Variants in RABGEF1 observed in about 807,000 individuals in gnomAD.
The protein encoded by RABGEF1 is RAB guanine nucleotide exchange factor 1.
Under a neutral mutation model 57.3 loss-of-function variants are expected in RABGEF1, and 26 were observed. The ratio of observed to expected loss-of-function variants is 0.45; its 90% CI spans 0.33 to 0.63. RABGEF1 has a LOEUF of 0.63. Among genes scored for constraint, RABGEF1 ranks in the 20% least tolerant of loss-of-function variants. The probability of loss-of-function intolerance (pLI) is 0.02; values close to 1 mark genes in which losing one functional copy is unlikely to be tolerated. For synonymous variants in RABGEF1, 185 were observed against 210.7 expected (o/e 0.88, Z 1.06); for missense variants, 464 against 607.6 (o/e 0.76, Z 2.48).
chr7:66,781,191 T>G (rs1382393721), intron 3 of RABGEF1, among the ~76,000 whole-genome samples: 1 of 152,186 alleles, frequency 6.6e-6, no homozygotes, highest in East Asian at 1.9e-4. Context: ...TTGTTCTGTT[T>G]TGTTTTTGTT....
At chr7:66,740,892 C>G (rs1272960840) in intron 1 of RABGEF1, 100 bp downstream of exon 1, 2 of 152,242 alleles carry the variant, frequency 1.3e-5, no homozygotes, top group South Asian at 2.1e-4. Context: ...GCGGTCGGTC[C>G]GTGCCATCCG....
chr7:66,753,966 A>G lies in RABGEF1; in HGVS notation c.-18+13174A>G, dbSNP rs184078897. On this transcript the variant is annotated intron_variant, in intron 1 of 8. Transcript: ENST00000284957. Reference sequence around the variant, plus strand: ...GTGATCCACCTGCCTCTGCCTCCCAAAGTGCTGGGATTACAGGCATGAGCC... The same window carrying G: ...GTGATCCACCTGCCTCTGCCTCCCAGAGTGCTGGGATTACAGGCATGAGCC... Among the ~76,000 whole-genome samples, 712 of 148,256 alleles carry G rather than the reference A, an allele frequency of 4.8e-3. 27 individuals are homozygous for G. The highest frequency in any genetic ancestry group is 7.9e-3 in the Non-Finnish European group (532 of 67,126).
chr7:66,790,866 A>C (rs549407008), intron 4 of RABGEF1, among the ~76,000 whole-genome samples: 2 of 152,334 alleles, frequency 1.3e-5, no homozygotes, highest in African/African-American at 4.8e-5. Flanking sequence ...GGTCTTCTAG[A>C]GTTCATGAAT....
intron 1 of RABGEF1, among the ~76,000 whole-genome samples, chr7:66,688,484 A>G (rs1359847777): frequency 6.6e-6 from 1 of 152,222 alleles, no homozygotes; most frequent in Non-Finnish European, 1.5e-5. Flanking sequence ...CATGTGGGAC[A>G]TTGTCCAGAG....
upstream of RABGEF1, among the ~76,000 whole-genome samples, chr7:66,679,001 T>G (rs568061255): frequency 6.6e-6 from 1 of 152,172 alleles, no homozygotes; most frequent in African/African-American, 2.4e-5. Flanking sequence ...AAGTCATGTG[T>G]GATAGATGTT....
At chr7:66,805,980 A>C (rs916376709) in intron 8 of RABGEF1, among the ~76,000 whole-genome samples, 8 of 151,786 alleles carry the variant, frequency 5.3e-5, no homozygotes, top group African/African-American at 1.9e-4. Flanking sequence ...CCTGGACTCA[A>C]GCAGTCCTCC....
intron 2 of RABGEF1, chr7:66,773,737 C>T (rs1000788787): frequency 6.6e-6 from 3 of 453,842 alleles, no homozygotes; most frequent in African/African-American, 6.0e-5. Flanking sequence ...GCAATTTCAA[C>T]TTACTGCAAC....
At chr7:66,805,821 T>C (rs1788304498) in intron 8 of RABGEF1, among the ~76,000 whole-genome samples, 1 of 152,126 alleles carries the variant, frequency 6.6e-6, no homozygotes, top group South Asian at 2.1e-4. Context: ...CATAGCTCAC[T>C]GCAGCCTTGA....
intron 1 of RABGEF1, among the ~76,000 whole-genome samples, chr7:66,755,488 G>GAA (rs530182977): frequency 2.0e-5 from 3 of 149,464 alleles, no homozygotes; most frequent in African/African-American, 7.4e-5. Context: ...GAAAAGAAAA[G>GAA]AAAAAAAAAG....
chr7:66,706,256 T>G (rs1414338758), intron 1 of RABGEF1, among the ~76,000 whole-genome samples: 2 of 152,140 alleles, frequency 1.3e-5, no homozygotes, highest in Non-Finnish European at 2.9e-5. Flanking sequence ...TCTTTGGATA[T>G]TATAAATAAA....
chr7:66,658,377 A>G, the RABGEF1 span, among the ~76,000 whole-genome samples: 1 of 152,128 alleles, frequency 6.6e-6, no homozygotes, highest in Non-Finnish European at 1.5e-5. Flanking sequence ...TACTAAAAAT[A>G]CAAAAATGAG....
intron 2 of RABGEF1, among the ~76,000 whole-genome samples, chr7:66,725,974 C>T (rs923669822): frequency 2.0e-5 from 3 of 152,218 alleles, no homozygotes; most frequent in African/African-American, 7.2e-5. Flanking sequence ...AACCCCCATT[C>T]ATCAGGCCTC....
chr7:66,780,170 A>G (rs544962683), intron 3 of RABGEF1, among the ~76,000 whole-genome samples: 2 of 152,208 alleles, frequency 1.3e-5, no homozygotes, highest in Non-Finnish European at 2.9e-5. Flanking sequence ...ACAGACCTCC[A>G]AAGTCAGAGG....
At chr7:66,773,994 A>G (rs1290978629) in intron 2 of RABGEF1, 1 of 331,694 alleles carries the variant, frequency 3.0e-6, no homozygotes, top group Non-Finnish European at 5.9e-6. Flanking sequence ...CAGGTGGTTC[A>G]CATGCAGCTA....
intron 4 of RABGEF1, among the ~76,000 whole-genome samples, chr7:66,784,897 A>G (rs1810805351): frequency 6.6e-6 from 1 of 152,106 alleles, no homozygotes; most frequent in Non-Finnish European, 1.5e-5. Context: ...TATCCTTAAT[A>G]TGGAACAATT....
At chr7:66,686,662 G>A (rs1473156159) in intron 1 of RABGEF1, among the ~76,000 whole-genome samples, 2 of 152,094 alleles carry the variant, frequency 1.3e-5, no homozygotes, top group Admixed American at 6.6e-5. Context: ...TTTAACTTAT[G>A]TTTATTTGTT....
chr7:66,722,482 AC>A (rs1438677351), intron 2 of RABGEF1, among the ~76,000 whole-genome samples: 1 of 152,194 alleles, frequency 6.6e-6, no homozygotes, highest in African/African-American at 2.4e-5. Context: ...CAAAGAAAGA[AC>A]AAAGGAAAAA....
chr7:66,806,958 A>G (rs1015511251), intron 8 of RABGEF1, among the ~76,000 whole-genome samples: 2 of 152,174 alleles, frequency 1.3e-5, no homozygotes, highest in African/African-American at 4.8e-5. Flanking sequence ...ATTTCTTAAT[A>G]TAAATGAAAC....
chr7:66,758,705 G>C (rs887210721), intron 1 of RABGEF1, among the ~76,000 whole-genome samples: 1 of 152,074 alleles, frequency 6.6e-6, no homozygotes, highest in Non-Finnish European at 1.5e-5. Flanking sequence ...GCCTTCTACC[G>C]TAACAGCTGT....
Sources: gnomAD v4.1 joint callset for allele counts (sites outside exome capture counted in the v4.1 genomes callset) on GRCh38, gnomAD v4.1.1 for gene constraint, MANE v1.5 for transcripts, NCBI Gene and HGNC (gene_info 2026-07-23, HGNC 2026-07-21) for gene names.